Variants in CHSY1 observed in about 807,000 individuals in gnomAD.
The protein encoded by CHSY1 is N-acetylgalactosaminyl-proteoglycan 3-beta-glucuronosyltransferase 1.
CHSY1 carries 13 observed loss-of-function variants against 59.8 expected under a neutral mutation model. That is an observed-to-expected ratio of 0.22 (90% CI 0.14 to 0.35). The LOEUF is 0.35. Among genes scored for constraint, CHSY1 ranks in the 10% least tolerant of loss-of-function variants. The pLI, the probability that CHSY1 is intolerant of heterozygous loss-of-function variation, is 1.00. For synonymous variants in CHSY1, 459 were observed against 401.2 expected (o/e 1.14, Z -1.72); for missense variants, 947 against 1,030.6 (o/e 0.92, Z 1.11).
chr15:101,178,348 C>T lies in CHSY1; in HGVS notation c.1449G>A (p.Val483=). 1 of 1,607,846 alleles carries T rather than the reference C, an allele frequency of 6.2e-7. No homozygotes were observed. Among genetic ancestry groups the T allele is most frequent in the Non-Finnish European group, 8.5e-7 (1 of 1,174,992 alleles). The change falls in exon 3 of 3, where the codon GTG becomes GTA. Residue 483 remains valine (V), a synonymous_variant. Coordinates refer to ENST00000254190, the MANE Select transcript of CHSY1 (RefSeq NM_014918.5). ...LQQTFSKIQF[V]EHEELDAQEL... ...CTTGTGCATCCAGCTCCTCATGCTC[C>T]ACAAACTGGATTTTGCTGAAAGTCT...
chr15:101,234,930 A>G, intron 2 of CHSY1, 152 bp downstream of exon 2: 2 of 928,788 alleles, frequency 2.2e-6, no homozygotes. Flanking sequence ...GGGGAACTGA[A>G]TTTTTTTTTT....
rs2038414572 is a variant in CHSY1, at chr15:101,189,401, C to T, written c.817-10421G>A. 3.1e-6 allele frequency: 3 copies of T among 981,908 alleles called. No individual in the cohort carries two copies. In the East Asian group the frequency reaches 3.4e-4, roughly 112 times the overall value. 60.8% of individuals were successfully genotyped at this position (981,908 alleles called of 1,614,324 possible). ...GGGACTGCCAAAGCACAAACTAAATCAAAAATAAAATTAAAAACAAACTTA... is the reference window on the plus strand; with the variant it reads ...GGGACTGCCAAAGCACAAACTAAATTAAAAATAAAATTAAAAACAAACTTA... On this transcript the variant is annotated intron_variant, in intron 2 of 2. Coordinates refer to ENST00000254190, the MANE Select transcript of CHSY1 (RefSeq NM_014918.5).
At chr15:101,242,132 T>C (rs956696462) in intron 1 of CHSY1, among the ~76,000 whole-genome samples, 1 of 152,210 alleles carries the variant, frequency 6.6e-6, no homozygotes, top group Admixed American at 6.5e-5. Flanking sequence ...CAGGGCCAGC[T>C]GTATTTACAT....
rs147817160 is a variant in CHSY1 at position 101,215,618 on chromosome 15, C to T, written c.816+19464G>A. Among the ~76,000 whole-genome samples the T allele has an allele frequency of 1.1e-3, 162 of 152,206 alleles. 1 individual carries two copies. The highest frequency in any genetic ancestry group is 3.7e-3 in the African/African-American group (155 of 41,508). ...GGCGTGGTAGTGCATGCCTGTAGTCCCGGCTACCCAGGAGGCCGAGGCAGG... is the reference window on the plus strand; with the variant it reads ...GGCGTGGTAGTGCATGCCTGTAGTCTCGGCTACCCAGGAGGCCGAGGCAGG... On this transcript the variant is annotated intron_variant, in intron 2 of 2. Transcript: ENST00000254190.
rs374005529 is a variant in CHSY1 at position 101,201,103 on chromosome 15, G to A, written c.817-22123C>T. Among the ~76,000 whole-genome samples the A allele has an allele frequency of 2.2e-3, 327 of 152,072 alleles. 2 individuals carry two copies. The highest frequency in any genetic ancestry group is 7.7e-3 in the African/African-American group (318 of 41,478). ...CAGGGCAACCCAGAGTGTGTCTATA[G>A]GTGGGGGCGGTGCGGGGGGAGGTGG... On this transcript the variant is annotated intron_variant, in intron 2 of 2. Transcript: ENST00000254190.
At position 101,177,364 on chromosome 15, in the gene CHSY1, C is replaced by A; in HGVS notation, c.*24G>T. ...GAAAAATAAATTAGATAATTAAAAA[C>A]GTCTTTTCCAGCAAAGCTGGACATT... On this transcript the variant is annotated 3_prime_UTR_variant, in exon 3 of 3. Transcript: ENST00000254190. 6.3e-7 allele frequency: 1 copy of A among 1,592,012 alleles called. No individual in the cohort carries two copies. Among genetic ancestry groups the A allele is most frequent in the Non-Finnish European group, 8.5e-7 (1 of 1,173,098 alleles).
At chr15:101,212,335 A>T (rs1038721313) in intron 2 of CHSY1, among the ~76,000 whole-genome samples, 18 of 152,218 alleles carry the variant, frequency 1.2e-4, no homozygotes, top group Admixed American at 6.5e-4. Flanking sequence ...AAAAAATATT[A>T]AAAAATGTCC....
intron 1 of CHSY1, among the ~76,000 whole-genome samples, chr15:101,246,904 T>G (rs1205285177): frequency 1.3e-5 from 2 of 152,164 alleles, no homozygotes; most frequent in African/African-American, 4.8e-5. Context: ...AAATACGAAT[T>G]GCAGCTAGTA....
Position 101,178,905 on chromosome 15 carries a change from G to C in CHSY1, c.892C>G (p.His298Asp). 1 of 1,614,130 alleles carries C rather than the reference G, an allele frequency of 6.2e-7. No homozygotes were observed. The highest frequency in any genetic ancestry group is 2.2e-5 in the East Asian group (1 of 44,874). Reference sequence around the variant, plus strand: ...TTGGGGTGTAATGTGATAGCTTGGTGAATTTTACTGTTATGGAGATCTCTA... The same window carrying C: ...TTGGGGTGTAATGTGATAGCTTGGTCAATTTTACTGTTATGGAGATCTCTA... ...YIRDLHNSKI[H>D]QAITLHPNKN... The change falls in exon 3 of 3, where the codon CAC becomes GAC. Residue 298 changes from histidine to aspartate, a missense_variant. Transcript: ENST00000254190.
rs561158128 is a variant in CHSY1, at chr15:101,251,048, G to C, written c.320+89C>G. On this transcript the variant is annotated intron_variant, in intron 1 of 2. Transcript: ENST00000254190. ...GAAGCCCAAGAAGGGCCTAGGAAGC[G>C]GGCGGAGGCGAGAGCCAGGAGAGCA... 6,556 of 1,263,890 alleles carry C rather than the reference G, an allele frequency of 5.2e-3. 38 individuals carry two copies. Among genetic ancestry groups the C allele is most frequent in the Non-Finnish European group, 6.6e-3 (5,974 of 911,186 alleles). The allele number at this position is 1,263,890 out of a possible 1,614,324, so 78.3% of individuals were successfully genotyped here. A position where few individuals can be genotyped will look rare whatever the true frequency, so the allele number is the denominator to read the frequency against.
At chr15:101,244,613 G>T (rs1181672718) in intron 1 of CHSY1, among the ~76,000 whole-genome samples, 1 of 152,216 alleles carries the variant, frequency 6.6e-6, no homozygotes, top group African/African-American at 2.4e-5. Flanking sequence ...AGATCACTTG[G>T]CATCACAGTG....
intron 2 of CHSY1, among the ~76,000 whole-genome samples, chr15:101,184,123 C>T (rs1054953196): frequency 1.2e-4 from 19 of 152,356 alleles, no homozygotes; most frequent in Middle Eastern, 3.4e-3. Context: ...TGACTGACTA[C>T]TTCTCACACA....
intron 2 of CHSY1, among the ~76,000 whole-genome samples, chr15:101,214,883 G>C (rs544516724): frequency 3.2e-4 from 49 of 151,286 alleles, no homozygotes; most frequent in African/African-American, 1.2e-3. Flanking sequence ...ATAGGTGGGA[G>C]GTGGCTGGAT....
In CHSY1 at chr15:101,176,515, T is replaced by G. The variant is rs1335938589; in HGVS notation, c.*873A>C. On this transcript the variant is annotated 3_prime_UTR_variant, in exon 3 of 3. Transcript: ENST00000254190. The stretch of plus-strand genomic sequence containing the variant: ...TCTTGAAATTTAATGCCAGGTCTAT[T>G]TAGGCCGAATGAACTACCACGAGAA... 2.5e-6 allele frequency: 1 copy of G among 397,646 alleles called. No homozygotes were observed. The highest frequency in any genetic ancestry group is 2.1e-5 in the African/African-American group (1 of 48,598). The allele number at this position is 397,646 out of a possible 1,614,324, so 24.6% of individuals were successfully genotyped here.
intron 2 of CHSY1, among the ~76,000 whole-genome samples, chr15:101,201,735 T>A (rs778266412): frequency 1.2e-4 from 18 of 152,166 alleles, no homozygotes; most frequent in Non-Finnish European, 2.6e-4. Flanking sequence ...CCTGGGCTGG[T>A]AGGGGCTGCC....
chr15:101,184,461 A>G (rs1046389192), intron 2 of CHSY1, among the ~76,000 whole-genome samples: 5 of 151,632 alleles, frequency 3.3e-5, no homozygotes, highest in Non-Finnish European at 5.9e-5. Context: ...GCTCACTGCA[A>G]CCTCCACCTC....
Position 101,176,213 on chromosome 15 carries a change from T to C in CHSY1, c.*1175A>G. 2.5e-6 allele frequency: 1 copy of C among 398,666 alleles called. No individual in the cohort carries two copies. Among genetic ancestry groups the C allele is most frequent in the Non-Finnish European group, 4.4e-6 (1 of 225,978 alleles). 24.7% of individuals were successfully genotyped at this position (398,666 alleles called of 1,614,324 possible). A position where few individuals can be genotyped will look rare whatever the true frequency, so the allele number is the denominator to read the frequency against. On this transcript the variant is annotated 3_prime_UTR_variant, in exon 3 of 3. Coordinates refer to ENST00000254190, the MANE Select transcript of CHSY1 (RefSeq NM_014918.5). ...AGGTACTCAAGAAATGGCAGAGCTCTGAACAACAGATATTAAATAAATTAA... is the reference window on the plus strand; with the variant it reads ...AGGTACTCAAGAAATGGCAGAGCTCCGAACAACAGATATTAAATAAATTAA...
chr15:101,226,859 A>G (rs2038846717), intron 2 of CHSY1, among the ~76,000 whole-genome samples: 1 of 152,256 alleles, frequency 6.6e-6, no homozygotes, highest in African/African-American at 2.4e-5. Flanking sequence ...TAAACAGAGT[A>G]TAAGGCGACA....
rs34904116 is a variant in CHSY1 at position 101,176,966 on chromosome 15, TA to T, written c.*421del. 7.9e-3 allele frequency: 1,191 copies of T among 150,484 alleles called. 12 individuals carry two copies. The highest frequency in any genetic ancestry group is 0.023 in the African/African-American group (902 of 39,646). 9.3% of individuals were successfully genotyped at this position (150,484 alleles called of 1,614,324 possible). On this transcript the variant is annotated 3_prime_UTR_variant, in exon 3 of 3. Coordinates refer to ENST00000254190, the MANE Select transcript of CHSY1 (RefSeq NM_014918.5). ...ACATGAAATGGCTTTAAAACAATTG[TA>T]AAAAAAAAAAACAAAACACAAAAGG...
Sources: allele counts gnomAD v4.1 joint callset (sites outside exome capture counted in the v4.1 genomes callset), GRCh38; gene constraint gnomAD v4.1.1; transcripts MANE v1.5; gene names NCBI Gene and HGNC (gene_info 2026-07-23, HGNC 2026-07-21).